Variants in PCDH15 observed in about 807,000 individuals in gnomAD.
The protein encoded by PCDH15 is protocadherin-15.
A neutral mutation model predicts 178.5 loss-of-function variants in PCDH15; 129 were observed. That is an observed-to-expected ratio of 0.72 (90% CI 0.63 to 0.84). The LOEUF is 0.84. Among genes scored for constraint, PCDH15 ranks in the 40% least tolerant of loss-of-function variants. The probability of loss-of-function intolerance (pLI) is 0.00; values close to 1 mark genes in which losing one functional copy is unlikely to be tolerated. For synonymous variants in PCDH15, 800 were observed against 732.0 expected (o/e 1.09, Z -1.50); for missense variants, 2,230 against 2,099.9 (o/e 1.06, Z -1.21).
chr10:55,368,220 A>C (rs1483432071), intron 2 of PCDH15, among the ~76,000 whole-genome samples: 11 of 152,022 alleles, frequency 7.2e-5, no homozygotes. Context: ...GATTTCATGT[A>C]ATCAACAATG....
At chr10:55,468,133 CA>C (rs1211044481) in intron 2 of PCDH15, among the ~76,000 whole-genome samples, 2 of 151,886 alleles carry the variant, frequency 1.3e-5, no homozygotes, top group Non-Finnish European at 2.9e-5. Flanking sequence ...TTCTCAAGAG[CA>C]GGGGGGAAAA....
chr10:54,681,154 G>C (rs2094891567), intron 1 of PCDH15, among the ~76,000 whole-genome samples: 1 of 152,160 alleles, frequency 6.6e-6, no homozygotes, highest in Admixed American at 6.5e-5. Context: ...TGAGAGAATG[G>C]AGGTGCCACT....
intron 14 of PCDH15, among the ~76,000 whole-genome samples, chr10:54,135,384 G>C (rs1464291909): frequency 6.6e-6 from 1 of 151,882 alleles, no homozygotes; most frequent in Non-Finnish European, 1.5e-5. Flanking sequence ...TTCTTAAATG[G>C]GTTCAAACTG....
intron 2 of PCDH15, among the ~76,000 whole-genome samples, chr10:55,523,819 C>T (rs1277696141): frequency 6.6e-6 from 1 of 151,504 alleles, no homozygotes; most frequent in African/African-American, 2.4e-5. Flanking sequence ...ATTGTAGTAA[C>T]ACATGCTCAA....
intron 1 of PCDH15, among the ~76,000 whole-genome samples, chr10:54,799,455 AAAATG>A (rs1591697634): frequency 6.6e-6 from 1 of 152,176 alleles, no homozygotes; most frequent in South Asian, 2.1e-4. Flanking sequence ...CATTTCCTAG[AAAATG>A]AAATGTTTTA....
chr10:53,868,617 T>C (rs2133183552), intron 26 of PCDH15, among the ~76,000 whole-genome samples: 1 of 152,252 alleles, frequency 6.6e-6, no homozygotes, highest in South Asian at 2.1e-4. Context: ...AGTAGTAAAG[T>C]TGAGACACAA....
intron 3 of PCDH15, among the ~76,000 whole-genome samples, chr10:54,834,433 C>T (rs1953279074): frequency 1.3e-5 from 2 of 152,058 alleles, no homozygotes; most frequent in Admixed American, 6.6e-5. Flanking sequence ...CCCGCCTCAG[C>T]CTCCCAAAGT....
chr10:54,617,982 A>G (rs1008053165), intron 2 of PCDH15, among the ~76,000 whole-genome samples: 5 of 151,742 alleles, frequency 3.3e-5, no homozygotes, highest in African/African-American at 1.2e-4. Flanking sequence ...AGGATATAGA[A>G]TGGAATAAGA....
At chr10:54,441,919 T>A (rs557868516) in intron 3 of PCDH15, among the ~76,000 whole-genome samples, 2 of 151,248 alleles carry the variant, frequency 1.3e-5, no homozygotes, top group Non-Finnish European at 3.0e-5. Context: ...AGAGAGGAGG[T>A]TCAAGAGATG....
chr10:55,467,601 A>T (rs1270473364), intron 2 of PCDH15, among the ~76,000 whole-genome samples: 1 of 152,124 alleles, frequency 6.6e-6, no homozygotes, highest in Non-Finnish European at 1.5e-5. Context: ...AATAAGCAGG[A>T]TATTTTAAAC....
chr10:55,101,043 T>C (rs754279007), intron 2 of PCDH15, among the ~76,000 whole-genome samples: 1 of 152,172 alleles, frequency 6.6e-6, no homozygotes, highest in Non-Finnish European at 1.5e-5. Flanking sequence ...ACTTATATGT[T>C]ATTCAGTTCC....
At chr10:54,437,992 C>T (rs895742540) in intron 3 of PCDH15, among the ~76,000 whole-genome samples, 9 of 152,140 alleles carry the variant, frequency 5.9e-5, no homozygotes, top group African/African-American at 2.2e-4. Flanking sequence ...TCCAAACACA[C>T]TTTCAATAAA....
At position 53,841,610 on chromosome 10, in the gene PCDH15, T is replaced by C. The variant is rs111560603; in HGVS notation, c.3807-1114A>G. Among the ~76,000 whole-genome samples the C allele has an allele frequency of 7.2e-3, 1,100 of 152,266 alleles. 8 individuals carry two copies. Among genetic ancestry groups the C allele is most frequent in the African/African-American group, 0.025 (1,038 of 41,546 alleles). On this transcript the variant is annotated intron_variant, in intron 28 of 37. Coordinates refer to ENST00000644397, the MANE Select transcript of PCDH15 (RefSeq NM_001384140.1). ...GGAGACACTACCAATCATAGTGAAATGTTTGCTTGCTTGTTTTTAAATGTT... is the reference window on the plus strand; with the variant it reads ...GGAGACACTACCAATCATAGTGAAACGTTTGCTTGCTTGTTTTTAAATGTT...
rs538023163 is a variant in PCDH15 at position 54,323,525 on chromosome 10, T to C, written c.705+6071A>G. On this transcript the variant is annotated intron_variant, in intron 7 of 37. Coordinates refer to ENST00000644397, the MANE Select transcript of PCDH15 (RefSeq NM_001384140.1). ...GTGGTGCATATACACCACGGAATAC[T>C]ACAAAGCCATAGAAAAGAATGAAAT... Among the ~76,000 whole-genome samples, 44 of 152,258 alleles carry C rather than the reference T, an allele frequency of 2.9e-4. No homozygotes were observed. In the South Asian group the frequency reaches 8.5e-3, roughly 29 times the overall value.
chr10:53,941,112 T>C (rs1039596263), intron 23 of PCDH15, 137 bp from the exon 24 acceptor site: 1 of 652,474 alleles, frequency 1.5e-6, no homozygotes, highest in Admixed American at 2.3e-5. Flanking sequence ...GCCTCCTCCA[T>C]GATCAAATCC....
intron 1 of PCDH15, among the ~76,000 whole-genome samples, chr10:55,244,702 A>G (rs753517313): frequency 3.3e-5 from 5 of 151,754 alleles, no homozygotes; most frequent in Admixed American, 6.6e-5. Context: ...TGAGTTCCCA[A>G]TGGAATTCAC....
chr10:54,630,547 C>T (rs1458197771), intron 2 of PCDH15, among the ~76,000 whole-genome samples: 1 of 152,068 alleles, frequency 6.6e-6, no homozygotes, highest in Non-Finnish European at 1.5e-5. Flanking sequence ...TATAAAAGTG[C>T]TAGAAGAAAA....
intron 25 of PCDH15, among the ~76,000 whole-genome samples, chr10:53,926,782 A>G (rs2084591650): frequency 6.6e-6 from 1 of 152,178 alleles, no homozygotes; most frequent in East Asian, 1.9e-4. Context: ...AAGCTACTCT[A>G]ATTTCAAATC....
intron 20 of PCDH15, among the ~76,000 whole-genome samples, chr10:54,000,379 C>A (rs1400178340): frequency 6.6e-6 from 1 of 151,970 alleles, no homozygotes; most frequent in African/African-American, 2.4e-5. Flanking sequence ...AGAGAGTGAT[C>A]TTTCAGACAG....
Sources: gnomAD v4.1 joint callset for allele counts (sites outside exome capture counted in the v4.1 genomes callset) on GRCh38, gnomAD v4.1.1 for gene constraint, MANE v1.5 for transcripts, NCBI Gene and HGNC (gene_info 2026-07-23, HGNC 2026-07-21) for gene names.